The following PTCHD1 variants were observed in gnomAD, a reference collection of about 807,000 sequenced individuals.
PTCHD1 encodes the protein patched domain containing 1.
A neutral mutation model predicts 34.6 loss-of-function variants in PTCHD1; 3 were observed. That is an observed-to-expected ratio of 0.09 (90% CI 0.04 to 0.22). PTCHD1 has a LOEUF of 0.22. Ranked by LOEUF, PTCHD1 falls within the 10% of genes least tolerant of loss-of-function variation. The pLI is 1.00. For missense variants in PTCHD1, 504 were observed against 685.5 expected (o/e 0.74, Z 2.96); for synonymous variants, 305 against 283.1 (o/e 1.08, Z -0.77).
chrX:23,350,445 A>G (rs184351367), intron 1 of PTCHD1, among the ~76,000 whole-genome samples: 1 of 111,891 alleles, frequency 8.9e-6, no homozygotes, highest in Non-Finnish European at 1.9e-5. Flanking sequence ...GTGAGTAGAA[A>G]GAGGATGATG....
intron 1 of PTCHD1, among the ~76,000 whole-genome samples, chrX:23,344,250 C>G (rs73467800): frequency 0.032 from 3,629 of 111,995 alleles, 138 homozygotes; most frequent in African/African-American, 0.11. Context: ...GGCAAGTCAC[C>G]TAACCTCCCT....
At chrX:23,345,711 A>C (rs1303084691) in intron 1 of PTCHD1, among the ~76,000 whole-genome samples, 90 of 111,579 alleles carry the variant, frequency 8.1e-4, no homozygotes, top group African/African-American at 2.9e-3. Context: ...AGCCACTGCT[A>C]TAAAGTATCC....
At chrX:23,385,474 G>A (rs752103985) in intron 2 of PTCHD1, among the ~76,000 whole-genome samples, 3 of 111,129 alleles carry the variant, frequency 2.7e-5, no homozygotes, top group Non-Finnish European at 5.7e-5. Flanking sequence ...GAATGAGGGA[G>A]TGACAGACCC....
rs374561624 is a variant in PTCHD1, at chrX:23,379,704, C to T, written c.465C>T (p.His155=). The T allele has an allele frequency of 1.1e-5, 13 of 1,209,081 alleles. No individual in the cohort carries two copies. The African/African-American group carries it at 1.6e-4, about 15-fold the overall frequency. Residue 155 remains histidine (H), a synonymous_variant, in exon 2 of 3, where the codon CAC becomes CAT. Coordinates refer to ENST00000379361, the MANE Select transcript of PTCHD1 (RefSeq NM_173495.3). ...CTTGCATCGTGGATGACATAGTGCA[C>T]GTCCTGGAAGAGCTAAAGAATGCTC... ...DKTCIVDDIV[H]VLEELKNARA... is the part of the protein sequence containing the mutation.
rs1923166573 is a variant in PTCHD1 at position 23,403,240 on chromosome X, ATGT to A, written c.*9059_*9061del. 1 of 112,117 alleles carries A rather than the reference ATGT, an allele frequency of 8.9e-6. No homozygotes were observed. Among genetic ancestry groups the A allele is most frequent in the Admixed American group, 9.5e-5 (1 of 10,575 alleles). The allele number at this position is 112,117 out of a possible 1,213,427, so 9.2% of individuals were successfully genotyped here. A position where few individuals can be genotyped will look rare whatever the true frequency, so the allele number is the denominator to read the frequency against. On this transcript the variant is annotated 3_prime_UTR_variant, in exon 3 of 3. Coordinates refer to ENST00000379361, the MANE Select transcript of PTCHD1 (RefSeq NM_173495.3). Reference sequence around the variant, plus strand: ...TTCCTCCAAAAAGACCCCATAGTTAATGTTGTGTTTCCCAGTATTTTAGTTGGG... The same window carrying A: ...TTCCTCCAAAAAGACCCCATAGTTAATGTGTTTCCCAGTATTTTAGTTGGG...
intron 1 of PTCHD1, among the ~76,000 whole-genome samples, chrX:23,377,493 A>G (rs1019804975): frequency 9.9e-5 from 11 of 111,204 alleles, no homozygotes; most frequent in Admixed American, 1.9e-4. Flanking sequence ...AAAATCATGG[A>G]AGACATTTTG....
intron 1 of PTCHD1, among the ~76,000 whole-genome samples, chrX:23,379,007 T>C (rs1004055454): frequency 3.5e-4 from 39 of 112,107 alleles, no homozygotes; most frequent in African/African-American, 1.2e-3. Context: ...GTAAACCTCT[T>C]GTCTTATATG....
At chrX:23,335,863 A>G (rs763595039) in intron 1 of PTCHD1, among the ~76,000 whole-genome samples, 29 of 111,872 alleles carry the variant, frequency 2.6e-4, no homozygotes, top group Non-Finnish European at 4.7e-4. Context: ...AGCCATCTCT[A>G]TCTTCTAGGG....
chrX:23,370,984 G>A (rs1922262184), intron 1 of PTCHD1, among the ~76,000 whole-genome samples: 1 of 111,305 alleles, frequency 9.0e-6, no homozygotes, highest in Non-Finnish European at 1.9e-5. Flanking sequence ...CTCAGGTTCT[G>A]ACAGGACTCT....
intron 1 of PTCHD1, among the ~76,000 whole-genome samples, chrX:23,352,228 A>T (rs1309991321): frequency 8.9e-6 from 1 of 111,935 alleles, no homozygotes; most frequent in Non-Finnish European, 1.9e-5. Flanking sequence ...GAAGATAGAA[A>T]ACAAGGTCAG....
intron 1 of PTCHD1, among the ~76,000 whole-genome samples, chrX:23,350,204 A>C (rs887744254): frequency 3.6e-5 from 4 of 111,178 alleles, no homozygotes; most frequent in African/African-American, 1.3e-4. Context: ...TCTGTAAAGA[A>C]ACCTATTTAA....
intron 1 of PTCHD1, among the ~76,000 whole-genome samples, chrX:23,342,831 T>C (rs892830288): frequency 5.3e-5 from 6 of 112,360 alleles, no homozygotes; most frequent in Non-Finnish European, 7.5e-5. Context: ...CCTTCTACTT[T>C]ATGAGGCTTT....
intron 1 of PTCHD1, among the ~76,000 whole-genome samples, chrX:23,364,254 C>T (rs992198541): frequency 9.1e-6 from 1 of 110,255 alleles, no homozygotes; most frequent in African/African-American, 3.3e-5. Context: ...TGTAAATATG[C>T]TATGTCTTGA....
intron 1 of PTCHD1, among the ~76,000 whole-genome samples, chrX:23,360,358 CT>C (rs1284704197): frequency 8.9e-6 from 1 of 111,751 alleles, no homozygotes; most frequent in East Asian, 2.8e-4. Context: ...GATTCAACTT[CT>C]TCCTGGTTTA....
chrX:23,380,910 C>T, intron 2 of PTCHD1, among the ~76,000 whole-genome samples: 1 of 111,439 alleles, frequency 9.0e-6, no homozygotes, highest in East Asian at 2.8e-4. Flanking sequence ...CAGCACACTC[C>T]TGCAGCCAGA....
chrX:23,373,570 C>T (rs762568495), intron 1 of PTCHD1, among the ~76,000 whole-genome samples: 1 of 112,703 alleles, frequency 8.9e-6, no homozygotes, highest in Non-Finnish European at 1.9e-5. Context: ...AAATGAATCA[C>T]GGTAACAATC....
intron 1 of PTCHD1, among the ~76,000 whole-genome samples, chrX:23,376,601 T>C (rs964046037): frequency 1.8e-5 from 2 of 112,398 alleles, no homozygotes; most frequent in African/African-American, 6.5e-5. Context: ...AAGAGTGGAT[T>C]GTGTCTGTGC....
intron 1 of PTCHD1, among the ~76,000 whole-genome samples, chrX:23,358,564 T>C (rs936599077): frequency 8.9e-6 from 1 of 111,964 alleles, no homozygotes; most frequent in Admixed American, 9.4e-5. Context: ...GTCAGATGGG[T>C]AAATTGCAAA....
At chrX:23,381,291 A>C (rs1253304965) in intron 2 of PTCHD1, among the ~76,000 whole-genome samples, 2 of 112,433 alleles carry the variant, frequency 1.8e-5, no homozygotes, top group Non-Finnish European at 3.8e-5. Flanking sequence ...TGCCCTGTCC[A>C]TCTGTTATCG....
Sources: gnomAD v4.1 joint callset for allele counts (sites outside exome capture counted in the v4.1 genomes callset) on GRCh38, gnomAD v4.1.1 for gene constraint, MANE v1.5 for transcripts, NCBI Gene and HGNC (gene_info 2026-07-23, HGNC 2026-07-21) for gene names.